CATSPERG: variants seen among roughly 807,000 people sequenced by gnomAD.
CATSPERG encodes catsper channel auxiliary subunit gamma, also known as cation channel sperm-associated auxiliary subunit gamma.
CATSPERG carries 115 observed loss-of-function variants against 145.0 expected under a neutral mutation model. That is an observed-to-expected ratio of 0.79 (90% CI 0.68 to 0.93). CATSPERG has a LOEUF of 0.93. Among genes scored for constraint, CATSPERG ranks in the 40% least tolerant of loss-of-function variants. The pLI, the probability that CATSPERG is intolerant of heterozygous loss-of-function variation, is 0.00. For synonymous variants in CATSPERG, 588 were observed against 589.0 expected (o/e 1.00, Z 0.02); for missense variants, 1,296 against 1,490.1 (o/e 0.87, Z 2.14).
intron 26 of CATSPERG, chr19:38,369,395 G>T: frequency 5.3e-6 from 1 of 187,240 alleles, no homozygotes; most frequent in Non-Finnish European, 1.2e-5. Flanking sequence ...TGTGTAGCTG[G>T]GATTACAGGT....
chr19:38,356,522 T>G lies in CATSPERG; in HGVS notation c.1174T>G (p.Ser392Ala). ...CTTTGAGATGCTGCCCAGGCAGTGG[T>G]CTGTGTGCGAGCAGATAGGAGGTAC... is the stretch of plus-strand genomic sequence containing the variant. ...VSFEMLPRQWSVCEQIGVTTC... is the reference protein window; with the variant it reads ...VSFEMLPRQWAVCEQIGVTTC... The change falls in exon 10 of 29, where the codon TCT (serine) becomes GCT (alanine). Residue 392 changes from serine to alanine, a missense_variant. Physicochemically the swap from Ser to Ala is moderately conservative, Grantham distance 99. Transcript: ENST00000409235. 6.2e-7 allele frequency: 1 copy of G among 1,613,664 alleles called. No individual in the cohort carries two copies. Among genetic ancestry groups the G allele is most frequent in the Non-Finnish European group, 8.5e-7 (1 of 1,179,910 alleles).
Position 38,354,835 on chromosome 19 carries a change from G to T in CATSPERG, c.1123G>T (p.Gly375Trp), listed in dbSNP as rs762479461. The part of the protein sequence containing the change: ...TGKHEGYVHF[G>W]TIRDGQVSFE... Reference sequence around the variant, plus strand: ...CAAGCATGAGGGTTATGTACACTTCGGGACCATCAGAGGTAAGGGTGTGGG... The same window carrying T: ...CAAGCATGAGGGTTATGTACACTTCTGGACCATCAGAGGTAAGGGTGTGGG... The change falls in exon 9 of 29, where the codon GGG (glycine) becomes TGG (tryptophan). Residue 375 changes from glycine (G) to tryptophan (W), a missense_variant. Gly to Trp is a radical substitution (Grantham distance 184). Coordinates refer to ENST00000409235, the MANE Select transcript of CATSPERG (RefSeq NM_021185.5). 1.2e-6 allele frequency: 2 copies of T among 1,613,914 alleles called. No homozygotes were observed. The highest frequency in any genetic ancestry group is 1.7e-6 in the Non-Finnish European group (2 of 1,179,972).
At chr19:38,348,624 C>T (rs1350808493) in intron 7 of CATSPERG, among the ~76,000 whole-genome samples, 2 of 152,018 alleles carry the variant, frequency 1.3e-5, no homozygotes, top group Non-Finnish European at 2.9e-5. Flanking sequence ...CAGGCATGCA[C>T]CACCACACCC....
intron 3 of CATSPERG, among the ~76,000 whole-genome samples, chr19:38,341,763 G>T (rs924952398): frequency 6.6e-6 from 1 of 151,932 alleles, no homozygotes; most frequent in Non-Finnish European, 1.5e-5. Flanking sequence ...TTAGCCGGGC[G>T]TGGTGGCGCA....
rs1177867477 is a variant in CATSPERG, at chr19:38,346,440, T to C, written c.670-10T>C. On this transcript the variant is annotated splice_polypyrimidine_tract_variant and intron_variant, in intron 6 of 28. Coordinates refer to ENST00000409235, the MANE Select transcript of CATSPERG (RefSeq NM_021185.5). Reference sequence around the variant, plus strand: ...AGAGTGTTGGCGTCCCTCCTGTCCCTCCTTGGCAGCTCTTCAACCTGATGC... The same window carrying C: ...AGAGTGTTGGCGTCCCTCCTGTCCCCCCTTGGCAGCTCTTCAACCTGATGC... 2 of 1,531,882 alleles carry C rather than the reference T, an allele frequency of 1.3e-6. No individual in the cohort carries two copies. The highest frequency in any genetic ancestry group is 4.0e-5 in the Admixed American group (2 of 50,356). The allele number at this position is 1,531,882 out of a possible 1,614,324, so 94.9% of individuals were successfully genotyped here. A position where few individuals can be genotyped will look rare whatever the true frequency, so the allele number is the denominator to read the frequency against.
chr19:38,366,865 T>G (rs946024290), intron 22 of CATSPERG: 2 of 345,678 alleles, frequency 5.8e-6, no homozygotes, highest in Admixed American at 4.5e-5. Context: ...GCTAATTTTT[T>G]GTATTTTTAG....
At chr19:38,368,709 C>A (rs887761824) in intron 26 of CATSPERG, among the ~76,000 whole-genome samples, 1 of 152,254 alleles carries the variant, frequency 6.6e-6, no homozygotes, top group Non-Finnish European at 1.5e-5. Flanking sequence ...GCCCACCAGG[C>A]TGGAGTGCAG....
rs141054803 is a variant in CATSPERG at position 38,356,516 on chromosome 19, C to T, written c.1168C>T (p.Gln390Ter). The change falls in exon 10 of 29, where the codon CAG becomes TAG. Residue 390 changes from glutamine to a stop codon, truncating the protein, a stop_gained. Transcript: ENST00000409235. LOFTEE classifies it high-confidence loss of function. Reference sequence around the variant, plus strand: ...GGTGTCCTTTGAGATGCTGCCCAGGCAGTGGTCTGTGTGCGAGCAGATAGG... The same window carrying T: ...GGTGTCCTTTGAGATGCTGCCCAGGTAGTGGTCTGTGTGCGAGCAGATAGG... ...GQVSFEMLPR[Q>*]WSVCEQIGVT... The T allele has an allele frequency of 4.5e-4, 726 of 1,613,716 alleles. No homozygotes were observed. Among genetic ancestry groups the T allele is most frequent in the Non-Finnish European group, 5.9e-4 (697 of 1,179,982 alleles).
intron 11 of CATSPERG, 86 bp from the exon 12 acceptor site, chr19:38,358,192 G>A: frequency 7.3e-7 from 1 of 1,363,030 alleles, no homozygotes. Context: ...TTTTACAGGA[G>A]GCTGAGAAGC....
Position 38,362,478 on chromosome 19 carries a change from C to T in CATSPERG, c.2260C>T (p.Leu754=). The part of the protein sequence containing the change: ...KIYNLESAYE[L]PERIFLDKGT... ...CTACAACCTCGAGTCCGCGTACGAG[C>T]TGCCGGAGCGCATTTTCCTGGACAA... The change falls in exon 19 of 29, where the codon CTG becomes TTG. Residue 754 remains leucine, a synonymous_variant. Transcript: ENST00000409235. 1 of 1,613,954 alleles carries T rather than the reference C, an allele frequency of 6.2e-7. No individual in the cohort carries two copies.
intron 20 of CATSPERG, 104 bp downstream of exon 20, chr19:38,362,936 G>A: frequency 5.0e-6 from 4 of 798,666 alleles, no homozygotes; most frequent in Non-Finnish European, 6.0e-6. Flanking sequence ...TGGAGTGCCA[G>A]TGGAGCGATC....
chr19:38,367,802 A>T, intron 25 of CATSPERG, 26 bp downstream of exon 25: 1 of 1,602,776 alleles, frequency 6.2e-7, no homozygotes, highest in Non-Finnish European at 8.5e-7. Flanking sequence ...TCCCACGTGT[A>T]ATCCACCTTG....
At position 38,354,960 on chromosome 19, in the gene CATSPERG, A is replaced by T. The variant is rs1017566161; in HGVS notation, c.1135+113A>T. 4.9e-6 allele frequency: 6 copies of T among 1,229,082 alleles called. No homozygotes were observed. In the African/African-American group the frequency reaches 9.1e-5, roughly 19 times the overall value. 76.1% of individuals were successfully genotyped at this position (1,229,082 alleles called of 1,614,324 possible). The stretch of plus-strand genomic sequence containing the variant: ...ACCATGTGCCCTGAGGAGGGCCCCT[A>T]GGCTGAGGGTGATGGTGGTGGTGGA... On this transcript the variant is annotated intron_variant, in intron 9 of 28. Coordinates refer to ENST00000409235, the MANE Select transcript of CATSPERG (RefSeq NM_021185.5).
chr19:38,359,404 T>C lies in CATSPERG; in HGVS notation c.1497-66T>C, dbSNP rs1255183220. ...GAAACAGTAAGTGGCTCCCGTGTTA[T>C]TAGGCCTGGGATTGGGGGAAGCGGC... On this transcript the variant is annotated intron_variant, in intron 13 of 28. Coordinates refer to ENST00000409235, the MANE Select transcript of CATSPERG (RefSeq NM_021185.5). The C allele has an allele frequency of 4.0e-6, 4 of 1,008,328 alleles. No homozygotes were observed. The African/African-American group carries it at 6.3e-5, about 16-fold the overall frequency. 62.5% of individuals were successfully genotyped at this position (1,008,328 alleles called of 1,614,324 possible). A position where few individuals can be genotyped will look rare whatever the true frequency, so the allele number is the denominator to read the frequency against.
At position 38,360,504 on chromosome 19, in the gene CATSPERG, G is replaced by A. The variant is rs780286459; in HGVS notation, c.1624G>A (p.Glu542Lys). 43 of 1,613,980 alleles carry A rather than the reference G, an allele frequency of 2.7e-5. 2 individuals are homozygous for A. The South Asian group carries it at 4.0e-4, about 15-fold the overall frequency. The change falls in exon 15 of 29, where the codon GAG (glutamate) becomes AAG (lysine). Residue 542 changes from glutamate (E) to lysine (K), a missense_variant. Glu to Lys is a moderately conservative substitution (Grantham distance 56). Coordinates refer to ENST00000409235, the MANE Select transcript of CATSPERG (RefSeq NM_021185.5). Reference sequence around the variant, plus strand: ...ATACCCGCAGATCTGGTACCTCCTGGAGGGCAGCTACCGGGTCTACCAGCT... The same window carrying A: ...ATACCCGCAGATCTGGTACCTCCTGAAGGGCAGCTACCGGGTCTACCAGCT... ...TETEEIWYLL[E>K]GSYRVYQLFP... is the part of the protein sequence containing the mutation.
chr19:38,345,744 C>G (rs533012495), intron 6 of CATSPERG, among the ~76,000 whole-genome samples: 2 of 150,718 alleles, frequency 1.3e-5, no homozygotes, highest in African/African-American at 4.9e-5. Context: ...GAACTCCCAA[C>G]CAGGTGATCC....
Position 38,362,795 on chromosome 19 carries a change from A to G in CATSPERG, c.2438A>G (p.Gln813Arg). 2 of 1,612,440 alleles carry G rather than the reference A, an allele frequency of 1.2e-6. No homozygotes were observed. Among genetic ancestry groups the G allele is most frequent in the Non-Finnish European group, 1.7e-6 (2 of 1,179,388 alleles). ...DPGCIEASVK[Q>R]EVLINRNSVL... ...GGCTGCATCGAGGCCTCGGTGAAGC[A>G]GGAGGTCCTGATTAATCGCAACTCG... is the stretch of plus-strand genomic sequence containing the variant. The change falls in exon 20 of 29, where the codon CAG becomes CGG. Residue 813 changes from glutamine to arginine, a missense_variant. By Grantham distance (43) the Gln-to-Arg change is conservative. Coordinates refer to ENST00000409235, the MANE Select transcript of CATSPERG (RefSeq NM_021185.5).
At chr19:38,337,795 T>C (rs1017540797) in intron 3 of CATSPERG, 149 bp downstream of exon 3, 2 of 656,644 alleles carry the variant, frequency 3.0e-6, no homozygotes, top group African/African-American at 3.7e-5. Flanking sequence ...CTCGGCTCAC[T>C]GCAACCTCCG....
chr19:38,337,109 C>T (rs1181223972), intron 1 of CATSPERG, 112 bp from the exon 2 acceptor site: 7 of 1,307,548 alleles, frequency 5.4e-6, no homozygotes, highest in Middle Eastern at 5.3e-4. Context: ...GAGCAAGAGC[C>T]GGGGCGTGGC....
Sources: gnomAD v4.1 joint callset for allele counts (sites outside exome capture counted in the v4.1 genomes callset) on GRCh38, gnomAD v4.1.1 for gene constraint, MANE v1.5 for transcripts, NCBI Gene and HGNC (gene_info 2026-07-23, HGNC 2026-07-21) for gene names.